Variants in KLHL20 observed in about 807,000 individuals in gnomAD.
The protein encoded by KLHL20 is kelch-like protein 20.
In KLHL20, 29 loss-of-function variants were observed where a neutral mutation model predicts 69.5. That is an observed-to-expected ratio of 0.42 (90% CI 0.31 to 0.57). The LOEUF is 0.57. Among genes scored for constraint, KLHL20 ranks in the 20% least tolerant of loss-of-function variants. The pLI is 0.18. For missense variants in KLHL20, 419 were observed against 776.0 expected (o/e 0.54, Z 5.47); for synonymous variants, 253 against 265.2 (o/e 0.95, Z 0.45).
At chr1:173,731,813 A>G (rs546711441) in intron 2 of KLHL20, among the ~76,000 whole-genome samples, 1 of 152,328 alleles carries the variant, frequency 6.6e-6, no homozygotes, top group African/African-American at 2.4e-5. Context: ...ATGTATACAT[A>G]TGTAACAAAC....
At chr1:173,719,901 A>C (rs1302794435) in intron 2 of KLHL20, among the ~76,000 whole-genome samples, 1 of 152,214 alleles carries the variant, frequency 6.6e-6, no homozygotes. Flanking sequence ...ACCTTTATAT[A>C]GTACCACTCT....
chr1:173,741,994 TG>T (rs1383060513), intron 3 of KLHL20: 1 of 592,040 alleles, frequency 1.7e-6, no homozygotes, highest in Admixed American at 2.9e-5. Context: ...TAAAAAAAAT[TG>T]TAACTTGTAT....
At chr1:173,762,534 A>G (rs1453997123) in intron 7 of KLHL20, among the ~76,000 whole-genome samples, 1 of 152,230 alleles carries the variant, frequency 6.6e-6, no homozygotes, top group Non-Finnish European at 1.5e-5. Flanking sequence ...ATAATCCACC[A>G]TGATCAAGTG....
At chr1:173,772,323 C>T (rs559149208) in intron 8 of KLHL20, among the ~76,000 whole-genome samples, 9 of 152,228 alleles carry the variant, frequency 5.9e-5, no homozygotes, top group African/African-American at 2.2e-4. Context: ...GACTCAGGAG[C>T]CAACTTGAAG....
chr1:173,770,279 G>C (rs1648000660), intron 8 of KLHL20, among the ~76,000 whole-genome samples: 1 of 152,048 alleles, frequency 6.6e-6, no homozygotes. Flanking sequence ...TGAAGTGACA[G>C]AACTCAGAAA....
chr1:173,751,479 A>G (rs998657862), intron 3 of KLHL20, among the ~76,000 whole-genome samples: 2 of 152,128 alleles, frequency 1.3e-5, no homozygotes, highest in Non-Finnish European at 2.9e-5. Flanking sequence ...ATAGTTTGAT[A>G]TAGTTAATTT....
At chr1:173,741,532 A>G in intron 3 of KLHL20, 1 of 394,210 alleles carries the variant, frequency 2.5e-6, no homozygotes, top group Non-Finnish European at 4.5e-6. Context: ...GATAAAATTG[A>G]TAGATTTGAC....
intron 5 of KLHL20, among the ~76,000 whole-genome samples, chr1:173,754,466 C>T (rs1442790755): frequency 1.3e-5 from 2 of 151,880 alleles, no homozygotes; most frequent in Admixed American, 6.6e-5. Context: ...TGCCTGTAAT[C>T]CCAGCTATTC....
intron 3 of KLHL20, among the ~76,000 whole-genome samples, chr1:173,749,567 A>G (rs1673213772): frequency 6.6e-6 from 1 of 152,300 alleles, no homozygotes; most frequent in South Asian, 2.1e-4. Context: ...GAGAGGTAGC[A>G]TTTTAGCCAG....
At chr1:173,725,833 G>A (rs1309744953) in intron 2 of KLHL20, among the ~76,000 whole-genome samples, 6 of 152,212 alleles carry the variant, frequency 3.9e-5, no homozygotes, top group Non-Finnish European at 7.3e-5. Flanking sequence ...TGCAGAAGAC[G>A]AATGATTTCT....
intron 2 of KLHL20, 32 bp from the exon 3 acceptor site, chr1:173,733,681 C>A: frequency 1.4e-6 from 2 of 1,462,824 alleles, no homozygotes; most frequent in South Asian, 2.4e-5. Context: ...ATAATACTGC[C>A]ATCTTCTCTC....
chr1:173,775,613 T>A (rs1388468971), intron 9 of KLHL20, 21 bp from the exon 10 acceptor site: 1 of 1,603,528 alleles, frequency 6.2e-7, no homozygotes, highest in African/African-American at 1.3e-5. Flanking sequence ...GCTCACTTAC[T>A]GGTTTTTCTT....
At chr1:173,773,028 G>A (rs1415051616) in intron 8 of KLHL20, among the ~76,000 whole-genome samples, 1 of 152,168 alleles carries the variant, frequency 6.6e-6, no homozygotes, top group Non-Finnish European at 1.5e-5. Context: ...CCAGGCTGGA[G>A]TGCAGTGGTG....
chr1:173,730,207 A>G (rs1220286597), intron 2 of KLHL20, among the ~76,000 whole-genome samples: 3 of 152,314 alleles, frequency 2.0e-5, no homozygotes, highest in South Asian at 2.1e-4. Context: ...CCACTGCTCA[A>G]TGAAATAAAA....
intron 7 of KLHL20, among the ~76,000 whole-genome samples, chr1:173,761,794 G>A (rs1429585160): frequency 6.6e-6 from 1 of 151,930 alleles, no homozygotes; most frequent in African/African-American, 2.4e-5. Flanking sequence ...GTCTGAAAGA[G>A]CACAAACAGG....
At chr1:173,729,684 A>G (rs1672161362) in intron 2 of KLHL20, among the ~76,000 whole-genome samples, 1 of 152,202 alleles carries the variant, frequency 6.6e-6, no homozygotes, top group Admixed American at 6.5e-5. Flanking sequence ...CCTTCATGCT[A>G]AAAACTCTCA....
At chr1:173,727,091 G>A (rs79605913) in intron 2 of KLHL20, among the ~76,000 whole-genome samples, 6 of 152,030 alleles carry the variant, frequency 3.9e-5, no homozygotes, top group African/African-American at 9.7e-5. Context: ...CGAGAACTAC[G>A]TGACAAATGC....
intron 3 of KLHL20, among the ~76,000 whole-genome samples, chr1:173,749,430 CT>C (rs1188905272): frequency 6.6e-6 from 1 of 152,100 alleles, no homozygotes; most frequent in Non-Finnish European, 1.5e-5. Flanking sequence ...CCTCTAAACT[CT>C]TATTTAAGAG....
chr1:173,771,345 A>G (rs997791387), intron 8 of KLHL20, among the ~76,000 whole-genome samples: 7 of 152,178 alleles, frequency 4.6e-5, no homozygotes, highest in Admixed American at 6.5e-5. Flanking sequence ...TCAAGGCTGC[A>G]GTGAGCTATG....
Sources: allele counts gnomAD v4.1 joint callset (sites outside exome capture counted in the v4.1 genomes callset), GRCh38; gene constraint gnomAD v4.1.1; transcripts MANE v1.5; gene names NCBI Gene and HGNC (gene_info 2026-07-23, HGNC 2026-07-21).